SELE: variants seen among roughly 807,000 people sequenced by gnomAD.
The protein encoded by SELE is selectin E.
In SELE, 52 loss-of-function variants were observed where a neutral mutation model predicts 75.8. The ratio of observed to expected loss-of-function variants is 0.69; its 90% CI spans 0.55 to 0.86. The LOEUF is 0.86. SELE is among the 40% of genes least tolerant of loss of function. SELE has a pLI of 0.00. For missense variants in SELE, 754 were observed against 732.7 expected (o/e 1.03, Z -0.34); for synonymous variants, 285 against 258.7 (o/e 1.10, Z -0.98).
intron 5 of SELE, 30 bp from the exon 6 acceptor site, chr1:169,729,703 T>G: frequency 6.2e-7 from 1 of 1,606,586 alleles, no homozygotes; most frequent in Non-Finnish European, 8.5e-7. Flanking sequence ...CCATGAATTT[T>G]ACAGAAGAAT....
chr1:169,729,262 G>A lies in SELE; in HGVS notation c.1014C>T (p.Gly338=). 1 of 1,614,126 alleles carries A rather than the reference G, an allele frequency of 6.2e-7. No individual in the cohort carries two copies. The highest frequency in any genetic ancestry group is 8.5e-7 in the Non-Finnish European group (1 of 1,179,998). Residue 338 remains glycine, a synonymous_variant, in exon 7 of 14, where the codon GGC becomes GGT. Coordinates refer to ENST00000333360, the MANE Select transcript of SELE (RefSeq NM_000450.2). ...CCTGGGCTGGTCCCTGCAACATGAAGCCTTCCTCACAGGTGAAGTTGCAGG... is the reference window on the plus strand; with the variant it reads ...CCTGGGCTGGTCCCTGCAACATGAAACCTTCCTCACAGGTGAAGTTGCAGG... ...KSSCNFTCEE[G]FMLQGPAQVE...
In SELE at chr1:169,725,768, G is replaced by T. The variant is rs1648722813; in HGVS notation, c.1809C>A (p.Tyr603Ter). ...CTTAAAGGATGTAAGAAGGCTTTTG[G>T]TAGCTTCCATCTGATTCAAGGCTTT... ...SCQSLESDGS[Y>*]QKPSYIL The change falls in exon 13 of 14, where the codon TAC becomes TAA. Residue 603 changes from tyrosine (Y) to a stop codon, truncating the protein, a stop_gained. Transcript: ENST00000333360. LOFTEE classifies it high-confidence loss of function. 9 of 1,614,032 alleles carry T rather than the reference G, an allele frequency of 5.6e-6. No individual in the cohort carries two copies. Among genetic ancestry groups the T allele is most frequent in the Non-Finnish European group, 7.6e-6 (9 of 1,179,964 alleles).
At chr1:169,731,643 G>T in intron 4 of SELE, 192 bp downstream of exon 4, 1 of 516,358 alleles carries the variant, frequency 1.9e-6, no homozygotes, top group Non-Finnish European at 3.5e-6. Context: ...TTGTCAAGGT[G>T]CCAAAATAAA....
chr1:169,732,412 ATGTG>A (rs3917409), intron 3 of SELE, among the ~76,000 whole-genome samples, 199 bp downstream of exon 3: 4 of 150,700 alleles, frequency 2.7e-5, no homozygotes, highest in African/African-American at 9.8e-5. Context: ...GTGTGTATAT[ATGTG>A]TGTGTGTGTA....
intron 3 of SELE, among the ~76,000 whole-genome samples, chr1:169,732,264 C>T (rs912847708): frequency 4.0e-5 from 6 of 150,140 alleles, no homozygotes; most frequent in African/African-American, 1.2e-4. Context: ...TAAAGAACTA[C>T]ATATTTGCCT....
rs139107567 is a variant in SELE, at chr1:169,730,527, G to A, written c.620C>T (p.Ser207Phe). Residue 207 changes from serine (S) to phenylalanine (F), a missense_variant, in exon 5 of 14, where the codon TCT becomes TTT. Ser to Phe is a radical substitution (Grantham distance 155). Coordinates refer to ENST00000333360, the MANE Select transcript of SELE (RefSeq NM_000450.2). ...LGNFSYNSSC[S>F]ISCDRGYLPS... Reference sequence around the variant, plus strand: ...CAGGTAACCCCTATCACAGCTGATAGAGCAGGAAGAATTGTAGCTGAAGTT... The same window carrying A: ...CAGGTAACCCCTATCACAGCTGATAAAGCAGGAAGAATTGTAGCTGAAGTT... 1.3e-5 allele frequency: 21 copies of A among 1,613,942 alleles called. No homozygotes were observed. Among genetic ancestry groups the A allele is most frequent in the Admixed American group, 1.7e-5 (1 of 59,992 alleles).
At chr1:169,724,597 T>G (rs1464652434) in intron 13 of SELE, 88 bp from the exon 14 acceptor site, 2 of 152,206 alleles carry the variant, frequency 1.3e-5, no homozygotes, top group Non-Finnish European at 2.9e-5. Context: ...ACACAGACAC[T>G]CTCACTAGGA....
Position 169,729,216 on chromosome 1 carries a change from G to T in SELE, c.1060C>A (p.Gln354Lys). Residue 354 changes from glutamine to lysine, a missense_variant, in exon 7 of 14, where the codon CAG becomes AAG. Physicochemically the swap from Gln to Lys is moderately conservative, Grantham distance 53. Coordinates refer to ENST00000333360, the MANE Select transcript of SELE (RefSeq NM_000450.2). Reference protein sequence around the residue: ...PAQVECTTQGQWTQQIPVCEA... With the variant: ...PAQVECTTQGKWTQQIPVCEA... ...CAAACTGGGATTTGCTGTGTCCACT[G>T]CCCTTGAGTGGTGCATTCAACCTGG... 1 of 1,613,496 alleles carries T rather than the reference G, an allele frequency of 6.2e-7. No homozygotes were observed. The highest frequency in any genetic ancestry group is 1.1e-5 in the South Asian group (1 of 90,968).
In SELE at chr1:169,732,610, C is replaced by T. The variant is rs2101993891; in HGVS notation, c.421+5G>A. Reference sequence around the variant, plus strand: ...TACCTCCCACTGCTGCCGCAAACTCCCTACCTGTGTAGCATAGGGCAAGCT... The same window carrying T: ...TACCTCCCACTGCTGCCGCAAACTCTCTACCTGTGTAGCATAGGGCAAGCT... On this transcript the variant is annotated splice_donor_5th_base_variant and intron_variant, in intron 3 of 13. Coordinates refer to ENST00000333360, the MANE Select transcript of SELE (RefSeq NM_000450.2). 6.4e-7 allele frequency: 1 copy of T among 1,568,590 alleles called. No homozygotes were observed. The highest frequency in any genetic ancestry group is 2.2e-5 in the East Asian group (1 of 44,570).
In SELE at chr1:169,726,686, T is replaced by G. The variant is rs763476912; in HGVS notation, c.1753+13A>C. ...CAAAAACATTTTTGAAGTACATTCATAAACTTCCTCACCTTTCCGTAAGCA... is the reference window on the plus strand; with the variant it reads ...CAAAAACATTTTTGAAGTACATTCAGAAACTTCCTCACCTTTCCGTAAGCA... On this transcript the variant is annotated intron_variant, in intron 11 of 13. Coordinates refer to ENST00000333360, the MANE Select transcript of SELE (RefSeq NM_000450.2). 3 of 1,574,688 alleles carry G rather than the reference T, an allele frequency of 1.9e-6. No individual in the cohort carries two copies. Among genetic ancestry groups the G allele is most frequent in the Non-Finnish European group, 2.6e-6 (3 of 1,145,066 alleles).
At position 169,726,720 on chromosome 1, in the gene SELE, G is replaced by T; in HGVS notation, c.1732C>A (p.Leu578Ile). The change falls in exon 11 of 14, where the codon CTT becomes ATT. Residue 578 changes from leucine (L) to isoleucine (I), a missense_variant. By Grantham distance (5) the Leu-to-Ile change is conservative. Coordinates refer to ENST00000333360, the MANE Select transcript of SELE (RefSeq NM_000450.2). ...LLTLAPFLLW[L>I]RKCLRKAKKF... ...TCACCTTTCCGTAAGCATTTCCGAA[G>T]CCAGAGGAGAAATGGTGCTAATGTC... 1 of 1,613,114 alleles carries T rather than the reference G, an allele frequency of 6.2e-7. No homozygotes were observed. The highest frequency in any genetic ancestry group is 8.5e-7 in the Non-Finnish European group (1 of 1,179,208).
chr1:169,729,549 T>C lies in SELE; in HGVS notation c.840A>G (p.Gly280=), dbSNP rs1648858035. ...ATGAGGTACACTGAAGGCTCTGGGC[T>C]CCCATTAGTTCAAATCCTTCTTCAC... ...FDCEEGFELM[G]AQSLQCTSSG... The change falls in exon 6 of 14, where the codon GGA becomes GGG. Residue 280 remains glycine, a synonymous_variant. Transcript: ENST00000333360. 4 of 1,614,056 alleles carry C rather than the reference T, an allele frequency of 2.5e-6. No individual in the cohort carries two copies. Among genetic ancestry groups the C allele is most frequent in the Non-Finnish European group, 3.4e-6 (4 of 1,180,020 alleles).
At chr1:169,725,376 C>A (rs1292472292) in intron 13 of SELE, among the ~76,000 whole-genome samples, 2 of 147,962 alleles carry the variant, frequency 1.4e-5, no homozygotes, top group African/African-American at 5.0e-5. Flanking sequence ...GAATGAGACT[C>A]CATCTCAAAA....
At chr1:169,726,881 C>CT in intron 10 of SELE, 75 bp from the exon 11 acceptor site, 1 of 1,018,626 alleles carries the variant, frequency 9.8e-7, no homozygotes, top group Non-Finnish European at 1.5e-6. Context: ...TCCCTTTGGC[C>CT]TTTTTTCTGT....
In SELE at chr1:169,729,472, T is replaced by C. The variant is rs1648855153; in HGVS notation, c.901+16A>G. 3 of 1,612,930 alleles carry C rather than the reference T, an allele frequency of 1.9e-6. No homozygotes were observed. Among genetic ancestry groups the C allele is most frequent in the Admixed American group, 1.7e-5 (1 of 59,950 alleles). On this transcript the variant is annotated intron_variant, in intron 6 of 13. Coordinates refer to ENST00000333360, the MANE Select transcript of SELE (RefSeq NM_000450.2). Reference sequence around the variant, plus strand: ...AAAGAATGTTCACAGTAAGTCTCCATGTGGAACAACTCTACCTTTACACGT... The same window carrying C: ...AAAGAATGTTCACAGTAAGTCTCCACGTGGAACAACTCTACCTTTACACGT...
At position 169,727,897 on chromosome 1, in the gene SELE, G is replaced by A. The variant is rs765834275; in HGVS notation, c.1310C>T (p.Pro437Leu). ...AVRCDAVHQP[P>L]KGLVRCAHSP... ...ATGAGCACACCTCACCAAACCCTTC[G>A]GGGGCTGGTGGACAGCATCGCATCT... Residue 437 changes from proline to leucine, a missense_variant, in exon 9 of 14, where the codon CCG becomes CTG. By Grantham distance (98) the Pro-to-Leu change is moderately conservative. Transcript: ENST00000333360. 38 of 1,613,852 alleles carry A rather than the reference G, an allele frequency of 2.4e-5. No individual in the cohort carries two copies. Among genetic ancestry groups the A allele is most frequent in the African/African-American group, 2.0e-4 (15 of 74,910 alleles).
At position 169,728,206 on chromosome 1, in the gene SELE, G is replaced by A. The variant is rs1648824123; in HGVS notation, c.1131C>T (p.Tyr377=). 2 of 1,614,134 alleles carry A rather than the reference G, an allele frequency of 1.2e-6. No individual in the cohort carries two copies. Among genetic ancestry groups the A allele is most frequent in the South Asian group, 2.2e-5 (2 of 91,078 alleles). ...CTALSNPERG[Y]MNCLPSASGS... ...CAGAAGCACTAGGAAGACAATTCAT[G>A]TAGCCTCGCTCGGGGTTGGACAAGG... Residue 377 remains tyrosine, a synonymous_variant, in exon 8 of 14, where the codon TAC becomes TAT. Coordinates refer to ENST00000333360, the MANE Select transcript of SELE (RefSeq NM_000450.2).
intron 5 of SELE, 123 bp downstream of exon 5, chr1:169,730,309 G>T: frequency 1.1e-6 from 1 of 887,728 alleles, no homozygotes; most frequent in Non-Finnish European, 1.6e-6. Context: ...AGAACAAATT[G>T]TATTAAAAAC....
chr1:169,731,158 A>G (rs1648902619), intron 4 of SELE, among the ~76,000 whole-genome samples: 2 of 152,366 alleles, frequency 1.3e-5, no homozygotes, highest in South Asian at 2.1e-4. Context: ...TTTAAAATTC[A>G]GTTCCTCAGT....
Sources: allele counts gnomAD v4.1 joint callset (sites outside exome capture counted in the v4.1 genomes callset), GRCh38; gene constraint gnomAD v4.1.1; transcripts MANE v1.5; gene names NCBI Gene and HGNC (gene_info 2026-07-23, HGNC 2026-07-21).